The following DCDC1 variants were observed in gnomAD, a reference collection of about 807,000 sequenced individuals.
The protein encoded by DCDC1 is doublecortin domain containing 1, also known as doublecortin domain-containing protein 1.
A neutral mutation model predicts 178.3 loss-of-function variants in DCDC1; 200 were observed. That is an observed-to-expected ratio of 1.12 (90% CI 1.00 to 1.26). The LOEUF is 1.26. Ranked by LOEUF, DCDC1 falls within the 50% of genes most tolerant of loss-of-function variation. DCDC1 has a pLI of 0.00. For missense variants in DCDC1, 1,983 were observed against 1,749.2 expected (o/e 1.13, Z -2.38); for synonymous variants, 690 against 604.8 (o/e 1.14, Z -2.07).
At position 30,952,462 on chromosome 11, in the gene DCDC1, T is replaced by C. The variant is rs1467256028; in HGVS notation, c.2698A>G (p.Ser900Gly). The change falls in exon 21 of 39, where the codon AGT becomes GGT. Residue 900 changes from serine (S) to glycine (G), a missense_variant. Coordinates refer to ENST00000684477, the MANE Select transcript of DCDC1 (RefSeq NM_001387274.1). ...KLTYMWPVLPSGQLNEEFDWP... is the reference protein window; with the variant it reads ...KLTYMWPVLPGGQLNEEFDWP... ...AACACAACCTCATTAAGTTGGCCACTGGGAAGGACAGGCCACATGTAGGTA... is the reference window on the plus strand; with the variant it reads ...AACACAACCTCATTAAGTTGGCCACCGGGAAGGACAGGCCACATGTAGGTA... The C allele has an allele frequency of 1.3e-6, 2 of 1,568,406 alleles. No individual in the cohort carries two copies. Among genetic ancestry groups the C allele is most frequent in the South Asian group, 1.2e-5 (1 of 86,394 alleles).
chr11:31,357,341 T>C (rs1332394390), intron 1 of DCDC1, among the ~76,000 whole-genome samples: 1 of 146,122 alleles, frequency 6.8e-6, no homozygotes, highest in African/African-American at 2.6e-5. Flanking sequence ...AAAAACCACA[T>C]GATTATCTCA....
chr11:31,261,959 T>G (rs1944815907), intron 8 of DCDC1, among the ~76,000 whole-genome samples: 1 of 149,036 alleles, frequency 6.7e-6, no homozygotes, highest in Non-Finnish European at 1.5e-5. Flanking sequence ...TAAATTAAAC[T>G]CTCTCATTAC....
chr11:31,076,666 T>C (rs575571926), intron 18 of DCDC1, among the ~76,000 whole-genome samples: 1 of 152,220 alleles, frequency 6.6e-6, no homozygotes, highest in African/African-American at 2.4e-5. Context: ...GAGATACAGA[T>C]GTCCTTGATA....
chr11:30,996,749 T>A (rs1951295851), intron 20 of DCDC1, among the ~76,000 whole-genome samples: 1 of 152,144 alleles, frequency 6.6e-6, no homozygotes, highest in African/African-American at 2.4e-5. Flanking sequence ...GAAAATAAAT[T>A]TCTGTTCTTT....
intron 3 of DCDC1, among the ~76,000 whole-genome samples, chr11:31,314,903 A>G (rs1018920258): frequency 6.6e-6 from 1 of 152,176 alleles, no homozygotes; most frequent in East Asian, 1.9e-4. Context: ...AACCCTCTTG[A>G]TATTTCAGGG....
intron 13 of DCDC1, among the ~76,000 whole-genome samples, chr11:31,104,344 C>G (rs1958713685): frequency 6.6e-6 from 1 of 152,090 alleles, no homozygotes; most frequent in Admixed American, 6.6e-5. Context: ...CTATTTATCT[C>G]TAGAATTAAA....
In DCDC1 at chr11:31,329,571, T is replaced by C. The variant is rs115366544; in HGVS notation, c.-6-1285A>G. Among the ~76,000 whole-genome samples, 452 of 152,146 alleles carry C rather than the reference T, an allele frequency of 3.0e-3. 9 individuals carry two copies. Among genetic ancestry groups the C allele is most frequent in the African/African-American group, 0.011 (444 of 41,510 alleles). On this transcript the variant is annotated intron_variant, in intron 2 of 38. Coordinates refer to ENST00000684477, the MANE Select transcript of DCDC1 (RefSeq NM_001387274.1). The stretch of plus-strand genomic sequence containing the variant: ...CCCTGCCCCCCACCCCACAACAGGC[T>C]CTGGGGTGTGATGTTCTCTGCCCTG...
In DCDC1 at chr11:31,307,840, C is replaced by T; in HGVS notation, c.233G>A (p.Gly78Asp). The change falls in exon 4 of 39, where the codon GGC (glycine) becomes GAC (aspartate). Residue 78 changes from glycine to aspartate, a missense_variant. By Grantham distance (94) the Gly-to-Asp change is moderately conservative. Coordinates refer to ENST00000684477, the MANE Select transcript of DCDC1 (RefSeq NM_001387274.1). Reference protein sequence around the residue: ...TTDDYLQSQFGPNRLVHSAAV... With the variant: ...TTDDYLQSQFDPNRLVHSAAV... Reference sequence around the variant, plus strand: ...TGCTGAATGCACGAGTCTGTTGGGGCCAAACTGAGACTGCAAATAATCATC... The same window carrying T: ...TGCTGAATGCACGAGTCTGTTGGGGTCAAACTGAGACTGCAAATAATCATC... 1 of 1,614,056 alleles carries T rather than the reference C, an allele frequency of 6.2e-7. No individual in the cohort carries two copies. The highest frequency in any genetic ancestry group is 1.7e-5 in the Admixed American group (1 of 60,004).
At chr11:31,081,776 C>T (rs1485908871) in intron 17 of DCDC1, among the ~76,000 whole-genome samples, 1 of 152,112 alleles carries the variant, frequency 6.6e-6, no homozygotes, top group Non-Finnish European at 1.5e-5. Context: ...TGGGAGCTTA[C>T]TAGTATCACT....
At chr11:31,329,636 G>C (rs1320563544) in intron 2 of DCDC1, among the ~76,000 whole-genome samples, 1 of 152,152 alleles carries the variant, frequency 6.6e-6, no homozygotes, top group Non-Finnish European at 1.5e-5. Flanking sequence ...ACCTATGAGT[G>C]AGAAAATGCT....
At chr11:31,212,082 C>CA (rs34957766) in intron 9 of DCDC1, among the ~76,000 whole-genome samples, 30,437 of 89,652 alleles carry the variant, frequency 0.34, 3,564 homozygotes, top group East Asian at 0.41. Flanking sequence ...GACTCAGTCT[C>CA]AAAAAAAAAA....
chr11:31,130,397 C>T (rs208068), intron 10 of DCDC1, among the ~76,000 whole-genome samples: 85,739 of 151,962 alleles, frequency 0.56, 25,119 homozygotes, highest in East Asian at 0.93. Context: ...TTAGCAGAAG[C>T]TTTAAGAACC....
rs561996171 is a variant in DCDC1, at chr11:30,915,784, G to T, written c.3453-73C>A. Reference sequence around the variant, plus strand: ...TTGATCATGCACTTGATGTGCTGGAGATTATAAGTTCTGTTGGTGAGAGCT... The same window carrying T: ...TTGATCATGCACTTGATGTGCTGGATATTATAAGTTCTGTTGGTGAGAGCT... On this transcript the variant is annotated intron_variant, in intron 26 of 38. Coordinates refer to ENST00000684477, the MANE Select transcript of DCDC1 (RefSeq NM_001387274.1). 44 of 1,480,030 alleles carry T rather than the reference G, an allele frequency of 3.0e-5. No individual in the cohort carries two copies. The South Asian group carries it at 4.9e-4, about 16-fold the overall frequency. The allele number at this position is 1,480,030 out of a possible 1,614,324, so 91.7% of individuals were successfully genotyped here.
At chr11:30,916,729 C>A (rs1945864810) in intron 26 of DCDC1, 141 bp downstream of exon 26, 3 of 1,060,090 alleles carry the variant, frequency 2.8e-6, no homozygotes, top group Non-Finnish European at 3.8e-6. Context: ...ATATTTTAAT[C>A]AAAAACATAA....
intron 17 of DCDC1, among the ~76,000 whole-genome samples, chr11:31,089,983 C>T (rs1957711465): frequency 6.6e-6 from 1 of 152,152 alleles, no homozygotes; most frequent in African/African-American, 2.4e-5. Flanking sequence ...CTCTGGCTCC[C>T]TGTTCCATAG....
chr11:30,873,350 T>G (rs1463035927), intron 38 of DCDC1, among the ~76,000 whole-genome samples: 12 of 135,706 alleles, frequency 8.8e-5, no homozygotes, highest in Non-Finnish European at 1.6e-4. Flanking sequence ...TATACATATA[T>G]ATATATATAT....
chr11:31,305,555 T>A, intron 6 of DCDC1, 60 bp downstream of exon 6: 1 of 1,543,092 alleles, frequency 6.5e-7, no homozygotes, highest in Non-Finnish European at 8.8e-7. Flanking sequence ...CATTTTTTAA[T>A]TGCACCCCTT....
intron 17 of DCDC1, among the ~76,000 whole-genome samples, chr11:31,090,248 G>C (rs144562901): frequency 6.6e-6 from 1 of 152,206 alleles, no homozygotes; most frequent in East Asian, 1.9e-4. Flanking sequence ...GATGTACCCT[G>C]CTCATCCACT....
intron 20 of DCDC1, among the ~76,000 whole-genome samples, chr11:31,002,554 T>C (rs570951940): frequency 1.3e-5 from 2 of 152,274 alleles, no homozygotes; most frequent in African/African-American, 4.8e-5. Context: ...AAGCTTTATG[T>C]AGAGAAAATC....
Sources: allele counts gnomAD v4.1 joint callset (sites outside exome capture counted in the v4.1 genomes callset), GRCh38; gene constraint gnomAD v4.1.1; transcripts MANE v1.5; gene names NCBI Gene and HGNC (gene_info 2026-07-23, HGNC 2026-07-21).